Variants in MRPL13 observed in about 807,000 individuals in gnomAD.
MRPL13 encodes the protein large ribosomal subunit protein uL13m.
In MRPL13, 33 loss-of-function variants were observed where a neutral mutation model predicts 29.0. The observed-to-expected ratio is 1.14, with a 90% CI of 0.86 to 1.52. MRPL13 has a LOEUF of 1.52. MRPL13 is among the 40% of genes most tolerant of loss of function. The pLI is 0.00. For synonymous variants in MRPL13, 77 were observed against 68.4 expected, an observed-to-expected ratio of 1.13 and a Z score of -0.62; for missense variants, 227 against 216.7, an observed-to-expected ratio of 1.05 and a Z score of -0.30.
chr8:120,437,219 A>G (rs1287601966), intron 2 of MRPL13, among the ~76,000 whole-genome samples: 2 of 152,166 alleles, frequency 1.3e-5, no homozygotes, highest in African/African-American at 4.8e-5. Context: ...ACTGAATAGT[A>G]AGAGAAAAAT....
intron 3 of MRPL13, among the ~76,000 whole-genome samples, chr8:120,430,453 T>G (rs1300323617): frequency 1.3e-5 from 2 of 152,170 alleles, no homozygotes; most frequent in Non-Finnish European, 2.9e-5. Flanking sequence ...ATTTTGAATA[T>G]GTAATTGTAA....
chr8:120,426,032 A>G (rs1172060383), intron 3 of MRPL13, among the ~76,000 whole-genome samples: 1 of 152,114 alleles, frequency 6.6e-6, no homozygotes. Flanking sequence ...GTGTAATATC[A>G]GGCAACTCAT....
chr8:120,423,910 G>A (rs777335514), intron 4 of MRPL13, among the ~76,000 whole-genome samples: 6 of 152,106 alleles, frequency 3.9e-5, no homozygotes, highest in Admixed American at 6.6e-5. Flanking sequence ...TGTAGATTGG[G>A]AGGGAGGGTG....
chr8:120,422,475 A>G (rs990629534), intron 4 of MRPL13, among the ~76,000 whole-genome samples: 1 of 150,970 alleles, frequency 6.6e-6, no homozygotes, highest in African/African-American at 2.4e-5. Flanking sequence ...ACACAAAGAA[A>G]TAAACATTAA....
At chr8:120,402,446 A>G (rs1345172719) in intron 6 of MRPL13, among the ~76,000 whole-genome samples, 1 of 152,234 alleles carries the variant, frequency 6.6e-6, no homozygotes, top group African/African-American at 2.4e-5. Flanking sequence ...CTGGCTAGCC[A>G]TATGTGGAAA....
chr8:120,428,579 G>A (rs1812960070), intron 3 of MRPL13, among the ~76,000 whole-genome samples: 1 of 152,092 alleles, frequency 6.6e-6, no homozygotes, highest in Non-Finnish European at 1.5e-5. Flanking sequence ...GAAAATTTTT[G>A]CAAACTATGC....
At chr8:120,437,409 T>C (rs1036038589) in intron 2 of MRPL13, among the ~76,000 whole-genome samples, 1 of 152,184 alleles carries the variant, frequency 6.6e-6, no homozygotes, top group Admixed American at 6.5e-5. Flanking sequence ...ATAATCTAAT[T>C]TTAGCAAAGC....
chr8:120,416,604 G>A (rs1812806796), intron 5 of MRPL13, among the ~76,000 whole-genome samples: 3 of 152,198 alleles, frequency 2.0e-5, no homozygotes, highest in Non-Finnish European at 4.4e-5. Context: ...CAGGGGTCAA[G>A]TGATCACTTT....
intron 2 of MRPL13, among the ~76,000 whole-genome samples, chr8:120,436,557 TTGA>T (rs1057361232): frequency 1.3e-5 from 2 of 152,186 alleles, no homozygotes; most frequent in African/African-American, 4.8e-5. Context: ...ATGTCTTTTG[TTGA>T]TGATGTGGTT....
rs1812884797 is a variant in MRPL13, at chr8:120,422,531, TTA to T, written c.307-2595_307-2594del. Among the ~76,000 whole-genome samples, 4 of 149,620 alleles carry T rather than the reference TTA, an allele frequency of 2.7e-5. No homozygotes were observed. In the South Asian group the frequency reaches 8.3e-4, roughly 31 times the overall value. On this transcript the variant is annotated intron_variant, in intron 4 of 6. Transcript: ENST00000306185. Reference sequence around the variant, plus strand: ...TCTGTTTTCTATTAGTGTTAAGACTTTATGTTTCTGAGAGGTCATTTAATATA... The same window carrying T: ...TCTGTTTTCTATTAGTGTTAAGACTTTGTTTCTGAGAGGTCATTTAATATA...
intron 6 of MRPL13, among the ~76,000 whole-genome samples, chr8:120,412,070 T>C (rs1812746147): frequency 6.6e-6 from 1 of 152,192 alleles, no homozygotes; most frequent in Admixed American, 6.5e-5. Context: ...AAGTGTATAA[T>C]ATGTATTTGC....
intron 2 of MRPL13, among the ~76,000 whole-genome samples, chr8:120,435,026 T>C (rs1241191575): frequency 6.6e-6 from 1 of 152,164 alleles, no homozygotes; most frequent in Admixed American, 6.6e-5. Flanking sequence ...TCAGATTCCA[T>C]GCAAGGGCAG....
intron 5 of MRPL13, among the ~76,000 whole-genome samples, chr8:120,417,332 C>T (rs759310019): frequency 3.3e-5 from 5 of 152,070 alleles, no homozygotes; most frequent in Non-Finnish European, 5.9e-5. Flanking sequence ...TGAAAAGATG[C>T]CCTTTACAAA....
chr8:120,441,147 T>C (rs2130488382), intron 2 of MRPL13, among the ~76,000 whole-genome samples: 1 of 152,014 alleles, frequency 6.6e-6, no homozygotes, highest in Non-Finnish European at 1.5e-5. Context: ...CAGGGAAAAC[T>C]GGGAAGGAAC....
chr8:120,406,151 T>C (rs1812664877), intron 6 of MRPL13, among the ~76,000 whole-genome samples: 1 of 152,216 alleles, frequency 6.6e-6, no homozygotes, highest in Non-Finnish European at 1.5e-5. Context: ...AGCTAACACC[T>C]GTCAATTTTT....
Position 120,396,140 on chromosome 8 carries a change from C to A in MRPL13, c.516-15G>T. ...AATCTTCAGGTCTGAAAGAAAAAATCAACATATTTCTTCATGAATCATTAT... is the reference window on the plus strand; with the variant it reads ...AATCTTCAGGTCTGAAAGAAAAAATAAACATATTTCTTCATGAATCATTAT... On this transcript the variant is annotated splice_polypyrimidine_tract_variant and intron_variant, in intron 6 of 6. Transcript: ENST00000306185. The A allele has an allele frequency of 6.4e-7, 1 of 1,555,668 alleles. No individual in the cohort carries two copies. Among genetic ancestry groups the A allele is most frequent in the Non-Finnish European group, 8.8e-7 (1 of 1,136,060 alleles).
chr8:120,439,745 A>G (rs953268200), intron 2 of MRPL13, among the ~76,000 whole-genome samples: 2 of 152,220 alleles, frequency 1.3e-5, no homozygotes, highest in South Asian at 4.1e-4. Context: ...ATTTCAGAGT[A>G]TGGGTTTATT....
intron 2 of MRPL13, among the ~76,000 whole-genome samples, chr8:120,437,005 C>A (rs1813062405): frequency 6.6e-6 from 1 of 151,964 alleles, no homozygotes; most frequent in Non-Finnish European, 1.5e-5. Context: ...TAACATGCAC[C>A]AAGGCATATT....
At chr8:120,444,995 T>TA in intron 1 of MRPL13, 73 bp downstream of exon 1, 1 of 1,604,802 alleles carries the variant, frequency 6.2e-7, no homozygotes, top group Admixed American at 1.7e-5. Context: ...CTTCACTACT[T>TA]AATCTGCCGG....
Sources: allele counts gnomAD v4.1 joint callset (sites outside exome capture counted in the v4.1 genomes callset), GRCh38; gene constraint gnomAD v4.1.1; transcripts MANE v1.5; gene names NCBI Gene and HGNC (gene_info 2026-07-23, HGNC 2026-07-21).